CTNNA2: variants seen among roughly 807,000 people sequenced by gnomAD.
CTNNA2 encodes catenin alpha 2.
In CTNNA2, 42 loss-of-function variants were observed where a neutral mutation model predicts 101.0. That is an observed-to-expected ratio of 0.42 (90% CI 0.32 to 0.54). CTNNA2 has a LOEUF of 0.54. CTNNA2 is among the 20% of genes least tolerant of loss of function. The pLI, the probability that CTNNA2 is intolerant of heterozygous loss-of-function variation, is 0.14. For missense variants in CTNNA2, 871 were observed against 1,223.1 expected, an observed-to-expected ratio of 0.71 and a Z score of 4.29; for synonymous variants, 450 against 456.4, an observed-to-expected ratio of 0.99 and a Z score of 0.18.
chr2:79,713,017 C>A (rs1334294468), intron 2 of CTNNA2, among the ~76,000 whole-genome samples: 3 of 152,110 alleles, frequency 2.0e-5, no homozygotes, highest in African/African-American at 7.2e-5. Flanking sequence ...TATGTGAGTC[C>A]TCAGGGGAAA....
intron 4 of CTNNA2, among the ~76,000 whole-genome samples, chr2:79,466,676 G>A (rs1436952751): frequency 6.6e-6 from 1 of 152,170 alleles, no homozygotes; most frequent in African/African-American, 2.4e-5. Context: ...CTCTGAGACG[G>A]AGCTTCCAGA....
At chr2:79,891,508 A>T (rs1430992466) in intron 6 of CTNNA2, among the ~76,000 whole-genome samples, 1 of 152,242 alleles carries the variant, frequency 6.6e-6, no homozygotes, top group Non-Finnish European at 1.5e-5. Flanking sequence ...TCTGTCACAG[A>T]TTTGAAGAAG....
chr2:80,215,432 G>A (rs1159149801), intron 7 of CTNNA2, among the ~76,000 whole-genome samples: 2 of 152,116 alleles, frequency 1.3e-5, no homozygotes, highest in Admixed American at 1.3e-4. Context: ...ATGTACAGGT[G>A]GGGTTTTGGT....
chr2:80,398,282 T>A (rs1257540439), intron 8 of CTNNA2, among the ~76,000 whole-genome samples: 4 of 152,288 alleles, frequency 2.6e-5, no homozygotes, highest in Non-Finnish European at 5.9e-5. Context: ...TGTAAAAAAA[T>A]TTTAAAACCA....
At chr2:80,266,728 G>C (rs1263871958) in intron 7 of CTNNA2, among the ~76,000 whole-genome samples, 1 of 152,162 alleles carries the variant, frequency 6.6e-6, no homozygotes, top group Non-Finnish European at 1.5e-5. Flanking sequence ...TTGTGAAGTT[G>C]TCAGTACTGA....
intron 11 of CTNNA2, among the ~76,000 whole-genome samples, chr2:80,552,786 T>C (rs185498284): frequency 6.0e-4 from 91 of 152,346 alleles, no homozygotes; most frequent in Middle Eastern, 6.8e-3. Flanking sequence ...TATCTAAACA[T>C]GTATAAATAT....
At chr2:80,111,305 A>G (rs1701195283) in intron 7 of CTNNA2, among the ~76,000 whole-genome samples, 1 of 152,182 alleles carries the variant, frequency 6.6e-6, no homozygotes, top group South Asian at 2.1e-4. Flanking sequence ...TGTTTAGGCA[A>G]TATGGTTCTG....
intron 7 of CTNNA2, among the ~76,000 whole-genome samples, chr2:80,002,108 C>CA (rs1391220793): frequency 1.3e-5 from 2 of 152,120 alleles, no homozygotes; most frequent in Non-Finnish European, 2.9e-5. Context: ...ATGGCTCAGA[C>CA]AGACTTTGTG....
intron 3 of CTNNA2, among the ~76,000 whole-genome samples, chr2:79,798,353 G>A (rs756231093): frequency 6.6e-5 from 10 of 152,024 alleles, no homozygotes; most frequent in Non-Finnish European, 1.0e-4. Flanking sequence ...GTCTCCTGGT[G>A]GGTTTCAGGA....
intron 9 of CTNNA2, among the ~76,000 whole-genome samples, chr2:80,515,699 T>G (rs1689059276): frequency 6.6e-6 from 1 of 152,214 alleles, no homozygotes; most frequent in African/African-American, 2.4e-5. Context: ...CCACATGAGC[T>G]CAGATTTGTA....
At position 80,063,965 on chromosome 2, in the gene CTNNA2, C is replaced by G. The variant is rs563925064; in HGVS notation, c.1056+154168C>G. On this transcript the variant is annotated intron_variant, in intron 7 of 18. Transcript: ENST00000402739. Reference sequence around the variant, plus strand: ...ACTACCAAGGCTGCAGGCTGTCACACCAGTATATAAACTGAAAATAAAATA... The same window carrying G: ...ACTACCAAGGCTGCAGGCTGTCACAGCAGTATATAAACTGAAAATAAAATA... 5.3e-5 allele frequency among the ~76,000 whole-genome samples: 8 copies of G among 151,832 alleles called. 1 individual carries two copies. In the South Asian group the frequency reaches 1.0e-3, roughly 20 times the overall value.
intron 7 of CTNNA2, among the ~76,000 whole-genome samples, chr2:79,919,463 C>T (rs927600719): frequency 6.6e-6 from 1 of 152,162 alleles, no homozygotes; most frequent in Non-Finnish European, 1.5e-5. Flanking sequence ...TGAGGAAGAG[C>T]AAGTAATATT....
intron 7 of CTNNA2, among the ~76,000 whole-genome samples, chr2:79,963,799 C>A (rs1689831769): frequency 6.6e-6 from 1 of 152,134 alleles, no homozygotes; most frequent in Non-Finnish European, 1.5e-5. Context: ...GTAGAAATGA[C>A]CTAAATGATA....
intron 7 of CTNNA2, among the ~76,000 whole-genome samples, chr2:79,939,212 A>C (rs1208786071): frequency 6.6e-6 from 1 of 152,214 alleles, no homozygotes; most frequent in African/African-American, 2.4e-5. Context: ...CAAGTTGTTT[A>C]TGTCTGAGTG....
Position 80,303,933 on chromosome 2 carries a change from A to C in CTNNA2, c.1057-89278A>C, listed in dbSNP as rs1227592964. The C allele has an allele frequency of 7.9e-7, 1 of 1,265,412 alleles. No individual in the cohort carries two copies. Among genetic ancestry groups the C allele is most frequent in the African/African-American group, 1.5e-5 (1 of 66,226 alleles). 78.4% of individuals were successfully genotyped at this position (1,265,412 alleles called of 1,614,324 possible). On this transcript the variant is annotated intron_variant, in intron 7 of 18. Transcript: ENST00000402739. This position sits in a 1 kb window ranked among gnomAD's most constrained non-coding sequence, Gnocchi z 7.7. The stretch of plus-strand genomic sequence containing the variant: ...AAGCGGGGGAGGGGGAGAAAAGGGC[A>C]AAAAATCAAATAAATACATAGAAAT...
chr2:79,513,640 T>C (rs990745311), intron 1 of CTNNA2, among the ~76,000 whole-genome samples: 1 of 151,218 alleles, frequency 6.6e-6, no homozygotes, highest in African/African-American at 2.4e-5. Context: ...TGCAGATTCC[T>C]AAATTTTTAG....
intron 7 of CTNNA2, among the ~76,000 whole-genome samples, chr2:79,947,684 C>T (rs1406817122): frequency 6.6e-6 from 1 of 152,080 alleles, no homozygotes; most frequent in Non-Finnish European, 1.5e-5. Context: ...TTTCCATATA[C>T]TGGGTGCAGG....
In CTNNA2 at chr2:79,283,088, C is replaced by T. The variant is rs1675445045; in HGVS notation, c.-405-29621C>T. On this transcript the variant is annotated intron_variant, in intron 2 of 21. Transcript: ENST00000466387. The stretch of plus-strand genomic sequence containing the variant: ...GAAGTGTCTGTTGATGTCCTTTGCC[C>T]ACTTTTTGATGGGGTTGTTTGTTTC... Among the ~76,000 whole-genome samples the T allele has an allele frequency of 2.6e-5, 2 of 78,220 alleles. 1 individual carries two copies. Among genetic ancestry groups the T allele is most frequent in the Admixed American group, 2.8e-4 (2 of 7,124 alleles). The allele number at this position is 78,220 out of a possible 152,430, so 51.3% of individuals were successfully genotyped here.
chr2:79,945,958 A>G (rs1186694060), intron 7 of CTNNA2, among the ~76,000 whole-genome samples: 1 of 152,198 alleles, frequency 6.6e-6, no homozygotes, highest in Non-Finnish European at 1.5e-5. Context: ...AATTAGACCT[A>G]GTGAATTAGG....
Sources: gnomAD v4.1 joint callset for allele counts (sites outside exome capture counted in the v4.1 genomes callset) on GRCh38, gnomAD v4.1.1 for gene constraint, Gnocchi (gnomAD v3.1) non-coding constraint, MANE v1.5 for transcripts, NCBI Gene and HGNC (gene_info 2026-07-23, HGNC 2026-07-21) for gene names.